The following TP53BP1 variants were observed in gnomAD, a reference collection of about 807,000 sequenced individuals.
TP53BP1 encodes the protein TP53-binding protein 1.
A neutral mutation model predicts 200.8 loss-of-function variants in TP53BP1; 61 were observed. That is an observed-to-expected ratio of 0.30 (90% confidence interval 0.25 to 0.38). The LOEUF is 0.38. Ranked by LOEUF, TP53BP1 falls within the 10% of genes least tolerant of loss-of-function variation. TP53BP1 has a pLI of 1.00. For synonymous variants in TP53BP1, 822 were observed against 844.3 expected (o/e 0.97, Z 0.46); for missense variants, 2,144 against 2,371.9 (o/e 0.90, Z 2.00).
chr15:43,481,125 T>C, intron 4 of TP53BP1, 103 bp from the exon 5 acceptor site: 5 of 1,381,628 alleles, frequency 3.6e-6, no homozygotes, highest in Non-Finnish European at 5.0e-6. Flanking sequence ...TTAGCCAAAC[T>C]TGAAAAAGTA....
chr15:43,505,973 C>G lies in TP53BP1; in HGVS notation c.-9+4397G>C, dbSNP rs566901370. Among the ~76,000 whole-genome samples the G allele has an allele frequency of 2.6e-5, 4 of 152,318 alleles. No individual in the cohort carries two copies. In the South Asian group the frequency reaches 8.3e-4, roughly 32 times the overall value. ...GCAGGGAAGGAATCTGAGCTGTATG[C>G]AGCTCCCTTGGATATTTTGGTGGAT... On this transcript the variant is annotated intron_variant, in intron 1 of 27. Transcript: ENST00000263801.
chr15:43,488,333 A>G (rs2079074257), intron 4 of TP53BP1, among the ~76,000 whole-genome samples: 1 of 151,840 alleles, frequency 6.6e-6, no homozygotes, highest in South Asian at 2.1e-4. Context: ...AAGGTTACAG[A>G]CTGTATGATC....
Position 43,410,761 on chromosome 15 carries a change from C to G in TP53BP1, c.5306-1020G>C, listed in dbSNP as rs45544634. Among the ~76,000 whole-genome samples the G allele has an allele frequency of 2.0e-3, 310 of 152,290 alleles. 2 individuals carry two copies. The highest frequency in any genetic ancestry group is 7.0e-3 in the African/African-American group (290 of 41,556). On this transcript the variant is annotated intron_variant, in intron 24 of 27. Transcript: ENST00000382044. ...GAGCAGATCCCTTATGACGGCTCCC[C>G]CTTCAGTGCCCTCGTTGTCTGCTGG...
rs759236594 is a variant in TP53BP1, at chr15:43,457,004, C to T, written c.1604G>A (p.Ser535Asn). Residue 535 changes from serine to asparagine, a missense_variant, in exon 12 of 28, where the codon AGC becomes AAC. Around this residue, in one of 4 missense-constraint regions of TP53BP1, gnomAD observed 1,700 missense variants for 1,710.3 expected, o/e 0.99. Coordinates refer to ENST00000382044, the MANE Select transcript of TP53BP1 (RefSeq NM_001141980.3). ...SEYSQSPKME[S>N]LSSHRIDEDG... ...TTCATCAATTCTGTGAGAACTCAAGCTCTCCATCTTTGGGGACTGACTATA... is the reference window on the plus strand; with the variant it reads ...TTCATCAATTCTGTGAGAACTCAAGTTCTCCATCTTTGGGGACTGACTATA... 1.9e-6 allele frequency: 3 copies of T among 1,614,198 alleles called. No homozygotes were observed. The South Asian group carries it at 3.3e-5, about 18-fold the overall frequency.
intron 4 of TP53BP1, among the ~76,000 whole-genome samples, chr15:43,483,438 T>G (rs2079002882): frequency 6.6e-6 from 1 of 151,938 alleles, no homozygotes; most frequent in African/African-American, 2.4e-5. Flanking sequence ...ACCATATAAA[T>G]CAAATGAACA....
At position 43,427,999 on chromosome 15, in the gene TP53BP1, C is replaced by G. The variant is rs550239; in HGVS notation, c.3828+17G>C. 6.6e-7 allele frequency: 1 copy of G among 1,504,880 alleles called. No individual in the cohort carries two copies. Among genetic ancestry groups the G allele is most frequent in the East Asian group, 2.3e-5 (1 of 43,290 alleles). The allele number at this position is 1,504,880 out of a possible 1,614,324, so 93.2% of individuals were successfully genotyped here. ...GAAAGAAAGAAATTTGCCACACAGACTCAGAGTATGTATTACCTCAGTTAC... is the reference window on the plus strand; with the variant it reads ...GAAAGAAAGAAATTTGCCACACAGAGTCAGAGTATGTATTACCTCAGTTAC... On this transcript the variant is annotated intron_variant, in intron 18 of 27. Coordinates refer to ENST00000382044, the MANE Select transcript of TP53BP1 (RefSeq NM_001141980.3).
At chr15:43,457,412 C>G (rs925113813) in intron 11 of TP53BP1, among the ~76,000 whole-genome samples, 194 bp from the exon 12 acceptor site, 4 of 152,028 alleles carry the variant, frequency 2.6e-5, no homozygotes, top group Non-Finnish European at 5.9e-5. Flanking sequence ...CATGCTCCAG[C>G]CCATTTCAGT....
intron 1 of TP53BP1, among the ~76,000 whole-genome samples, chr15:43,502,025 G>A (rs1312614044): frequency 2.6e-5 from 4 of 152,178 alleles, no homozygotes; most frequent in Non-Finnish European, 5.9e-5. Context: ...AACAGTTTTT[G>A]AAAATGACTG....
intron 14 of TP53BP1, among the ~76,000 whole-genome samples, chr15:43,444,325 T>C (rs1408033294): frequency 6.6e-6 from 1 of 152,192 alleles, no homozygotes; most frequent in Non-Finnish European, 1.5e-5. Context: ...CAGGCTGGTC[T>C]TGTACTTCTG....
chr15:43,471,612 G>A (rs1172590054), intron 10 of TP53BP1, among the ~76,000 whole-genome samples: 1 of 152,116 alleles, frequency 6.6e-6, no homozygotes, highest in African/African-American at 2.4e-5. Flanking sequence ...ATTTTTAGTA[G>A]AGATGGGGTT....
Position 43,405,144 on chromosome 15 carries a change from T to G in TP53BP1, c.*2239A>C. The stretch of plus-strand genomic sequence containing the variant: ...CACAGGTTATCCTGATTCATATTTC[T>G]TTGAAGGTAGTCTTGGGAAAGCATG... On this transcript the variant is annotated 3_prime_UTR_variant, in exon 28 of 28. Transcript: ENST00000382044. 1 of 1,595,606 alleles carries G rather than the reference T, an allele frequency of 6.3e-7. No individual in the cohort carries two copies. The highest frequency in any genetic ancestry group is 8.6e-7 in the Non-Finnish European group (1 of 1,163,826).
upstream of TP53BP1, among the ~76,000 whole-genome samples, chr15:43,496,912 T>C (rs185483883): frequency 4.6e-4 from 70 of 152,264 alleles, 2 homozygotes; most frequent in East Asian, 0.013. Context: ...TGAGCCATAG[T>C]GCCCAGCCTC....
At chr15:43,433,312 TC>T (rs1400096348) in intron 16 of TP53BP1, among the ~76,000 whole-genome samples, 1 of 152,232 alleles carries the variant, frequency 6.6e-6, no homozygotes, top group Non-Finnish European at 1.5e-5. Context: ...TTTTCATAAG[TC>T]ATCCCATTTG....
At chr15:43,460,146 T>C (rs1046593910) in intron 11 of TP53BP1, among the ~76,000 whole-genome samples, 3 of 152,224 alleles carry the variant, frequency 2.0e-5, no homozygotes, top group Non-Finnish European at 4.4e-5. Context: ...GAGAAATTAA[T>C]ACAAAACTTA....
chr15:43,465,935 A>G (rs773548499), intron 11 of TP53BP1, among the ~76,000 whole-genome samples: 2 of 152,198 alleles, frequency 1.3e-5, no homozygotes, highest in Non-Finnish European at 2.9e-5. Context: ...GATTACAGGC[A>G]TGAGCCACCA....
intron 10 of TP53BP1, among the ~76,000 whole-genome samples, chr15:43,472,019 A>G (rs1430923080): frequency 6.6e-6 from 1 of 152,248 alleles, no homozygotes; most frequent in Admixed American, 6.5e-5. Context: ...TCACTGATAA[A>G]TTACATTTGA....
chr15:43,503,279 GCTTT>G (rs1456364114), intron 1 of TP53BP1, among the ~76,000 whole-genome samples: 1 of 152,170 alleles, frequency 6.6e-6, no homozygotes, highest in Non-Finnish European at 1.5e-5. Flanking sequence ...TCATTTAGTT[GCTTT>G]CTGTCACTGT....
chr15:43,474,066 G>A (rs689735), intron 10 of TP53BP1, among the ~76,000 whole-genome samples: 3,564 of 152,314 alleles, frequency 0.023, 127 homozygotes, highest in African/African-American at 0.078. Flanking sequence ...GCGCAGCGCC[G>A]GTGGGCTAGC....
At chr15:43,454,440 C>A (rs2046246195) in intron 12 of TP53BP1, among the ~76,000 whole-genome samples, 1 of 151,014 alleles carries the variant, frequency 6.6e-6, no homozygotes, top group Non-Finnish European at 1.5e-5. Context: ...CTCAGCTCAT[C>A]GCAACCTCCA....
Sources: allele counts gnomAD v4.1 joint callset (sites outside exome capture counted in the v4.1 genomes callset), GRCh38; gene constraint gnomAD v4.1.1; regional missense constraint gnomAD v4.1.1; transcripts MANE v1.5; gene names NCBI Gene and HGNC (gene_info 2026-07-23, HGNC 2026-07-21).